The following SLC25A13 variants were observed in gnomAD, a reference collection of about 807,000 sequenced individuals.
The protein encoded by SLC25A13 is solute carrier family 25 member 13, also known as electrogenic aspartate/glutamate antiporter SLC25A13, mitochondrial.
SLC25A13 carries 70 observed loss-of-function variants against 85.5 expected under a neutral mutation model. That is an observed-to-expected ratio of 0.82 (90% CI 0.68 to 1.00). The LOEUF (loss-of-function observed/expected upper bound fraction) is 1.00. Ranked by LOEUF, SLC25A13 falls within the 50% of genes least tolerant of loss-of-function variation. The probability of loss-of-function intolerance (pLI) is 0.00; values close to 1 mark genes in which losing one functional copy is unlikely to be tolerated. For synonymous variants in SLC25A13, 259 were observed against 288.7 expected (o/e 0.90, Z 1.04); for missense variants, 765 against 819.8 (o/e 0.93, Z 0.82).
chr7:96,252,858 C>CA (rs1797486826), intron 3 of SLC25A13, among the ~76,000 whole-genome samples: 2 of 152,094 alleles, frequency 1.3e-5, no homozygotes, highest in Non-Finnish European at 2.9e-5. Context: ...CTTTGGGAGG[C>CA]AGAGGTGGGT....
At chr7:96,215,146 T>G (rs751149280) in intron 4 of SLC25A13, among the ~76,000 whole-genome samples, 10 of 152,326 alleles carry the variant, frequency 6.6e-5, no homozygotes, top group Middle Eastern at 3.4e-3. Context: ...TTGCCCAGGC[T>G]GGAGTACAGT....
At chr7:96,141,513 T>C (rs1792561630) in intron 14 of SLC25A13, among the ~76,000 whole-genome samples, 1 of 152,078 alleles carries the variant, frequency 6.6e-6, no homozygotes, top group African/African-American at 2.4e-5. Flanking sequence ...GTGGCAACAG[T>C]GGATTTAGGA....
At chr7:96,221,054 G>A (rs1562854262) in intron 4 of SLC25A13, among the ~76,000 whole-genome samples, 2 of 152,144 alleles carry the variant, frequency 1.3e-5, no homozygotes, top group African/African-American at 2.4e-5. Context: ...ATTTGAGCAC[G>A]GGCGATTCTT....
At chr7:96,168,065 A>G (rs948117395) in intron 13 of SLC25A13, among the ~76,000 whole-genome samples, 1 of 125,810 alleles carries the variant, frequency 7.9e-6, no homozygotes, top group East Asian at 2.6e-4. Flanking sequence ...CCGCCACTGC[A>G]CTCCAGCCTG....
intron 4 of SLC25A13, among the ~76,000 whole-genome samples, chr7:96,212,133 A>G (rs1012590630): frequency 6.6e-6 from 1 of 152,138 alleles, no homozygotes; most frequent in African/African-American, 2.4e-5. Flanking sequence ...ATGCTGCACA[A>G]CTCTAGTGGA....
At chr7:96,153,939 A>G (rs1042511500) in intron 13 of SLC25A13, among the ~76,000 whole-genome samples, 3 of 152,250 alleles carry the variant, frequency 2.0e-5, no homozygotes, top group Non-Finnish European at 1.5e-5. Context: ...TTTTAAAGGC[A>G]CATAAACATT....
chr7:96,268,125 C>A (rs907810270), intron 3 of SLC25A13, among the ~76,000 whole-genome samples: 1 of 152,162 alleles, frequency 6.6e-6, no homozygotes, highest in South Asian at 2.1e-4. Context: ...GCACTCAACA[C>A]CTCCAGCTTA....
chr7:96,203,997 A>G (rs1170539464), intron 5 of SLC25A13, among the ~76,000 whole-genome samples: 4 of 152,162 alleles, frequency 2.6e-5, no homozygotes, highest in African/African-American at 9.7e-5. Context: ...TTTGTCACAC[A>G]CCTGTCATCT....
At chr7:96,320,548 C>G (rs1800301447) in intron 1 of SLC25A13, among the ~76,000 whole-genome samples, 1 of 152,174 alleles carries the variant, frequency 6.6e-6, no homozygotes, top group Non-Finnish European at 1.5e-5. Flanking sequence ...GGCTATTGGG[C>G]TTGAAAGGGT....
At chr7:96,121,578 A>C in intron 17 of SLC25A13, 77 bp downstream of exon 17, 2 of 1,463,848 alleles carry the variant, frequency 1.4e-6, no homozygotes, top group African/African-American at 2.8e-5. Context: ...TAGAGACTAG[A>C]CTGAGGTACC....
intron 5 of SLC25A13, among the ~76,000 whole-genome samples, chr7:96,194,469 G>GAACACC (rs1794986684): frequency 4.0e-5 from 2 of 50,146 alleles, no homozygotes; most frequent in South Asian, 1.5e-3. Context: ...AAAAAAAAAG[G>GAACACC]AACACCAACA....
intron 1 of SLC25A13, among the ~76,000 whole-genome samples, chr7:96,297,403 G>A (rs761034285): frequency 3.3e-5 from 5 of 151,160 alleles, no homozygotes; most frequent in Admixed American, 6.6e-5. Flanking sequence ...GTGCAATCTC[G>A]GCTCACTGCA....
intron 5 of SLC25A13, among the ~76,000 whole-genome samples, chr7:96,199,560 C>T (rs1441942719): frequency 6.6e-6 from 1 of 152,136 alleles, no homozygotes; most frequent in African/African-American, 2.4e-5. Context: ...TTCCTATCAC[C>T]TAAGGCCAGA....
At chr7:96,138,782 A>G (rs1236598139) in intron 14 of SLC25A13, among the ~76,000 whole-genome samples, 1 of 152,232 alleles carries the variant, frequency 6.6e-6, no homozygotes, top group Non-Finnish European at 1.5e-5. Context: ...GAATAAAAGA[A>G]TGGTTAAAAA....
At chr7:96,251,751 C>A (rs1385258140) in intron 3 of SLC25A13, among the ~76,000 whole-genome samples, 3 of 152,194 alleles carry the variant, frequency 2.0e-5, no homozygotes, top group African/African-American at 7.2e-5. Flanking sequence ...GTTCTTGAAA[C>A]TGTACTTGGA....
chr7:96,184,260 G>C lies in SLC25A13; in HGVS notation c.1177+17C>G, dbSNP rs538245766. 58 of 1,613,926 alleles carry C rather than the reference G, an allele frequency of 3.6e-5. 1 individual carries two copies. The East Asian group carries it at 1.2e-3, about 32-fold the overall frequency. On this transcript the variant is annotated intron_variant, in intron 11 of 17. Coordinates refer to ENST00000265631, the MANE Select transcript of SLC25A13 (RefSeq NM_014251.3). ...AGTGTTATTTCACCTAACAGGTATT[G>C]AGCATGTGGCACTAACCTCTATACA...
intron 9 of SLC25A13, among the ~76,000 whole-genome samples, chr7:96,188,093 T>C (rs1178089581): frequency 6.6e-6 from 1 of 152,224 alleles, no homozygotes. Context: ...ACTTCTCTGC[T>C]TCTCTTAATC....
At chr7:96,280,738 A>T (rs1798645247) in intron 2 of SLC25A13, among the ~76,000 whole-genome samples, 1 of 152,138 alleles carries the variant, frequency 6.6e-6, no homozygotes, top group Non-Finnish European at 1.5e-5. Flanking sequence ...AAAAGCCTAC[A>T]ATGCAATACC....
rs1316576677 is a variant in SLC25A13, at chr7:96,275,549, G to T, written c.212+1647C>A. Among the ~76,000 whole-genome samples, 17 of 152,300 alleles carry T rather than the reference G, an allele frequency of 1.1e-4. No individual in the cohort carries two copies. The East Asian group carries it at 2.7e-3, about 24-fold the overall frequency. On this transcript the variant is annotated intron_variant, in intron 3 of 17. Transcript: ENST00000265631. ...GCACATATACACCATGGAATACTAT[G>T]CAGCCATAAAAAATGATGAATTCAT...
Sources: allele counts gnomAD v4.1 joint callset (sites outside exome capture counted in the v4.1 genomes callset), GRCh38; gene constraint gnomAD v4.1.1; transcripts MANE v1.5; gene names NCBI Gene and HGNC (gene_info 2026-07-23, HGNC 2026-07-21).